CREB5: variants seen among roughly 807,000 people sequenced by gnomAD.
CREB5 encodes cAMP responsive element binding protein 5.
A neutral mutation model predicts 57.1 loss-of-function variants in CREB5; 19 were observed. That is an observed-to-expected ratio of 0.33 (90% CI 0.23 to 0.49). The LOEUF (loss-of-function observed/expected upper bound fraction) is 0.49. CREB5 is among the 20% of genes least tolerant of loss of function. The probability of loss-of-function intolerance (pLI) is 0.99; values close to 1 mark genes in which losing one functional copy is unlikely to be tolerated. For missense variants in CREB5, 579 were observed against 671.6 expected (o/e 0.86, Z 1.52); for synonymous variants, 238 against 238.3 (o/e 1.00, Z 0.01).
intron 1 of CREB5, among the ~76,000 whole-genome samples, chr7:28,325,687 C>T (rs1785584594): frequency 6.6e-6 from 1 of 152,056 alleles, no homozygotes; most frequent in Admixed American, 6.6e-5. Context: ...ACTAAGGGAC[C>T]CTTACTCTAG....
chr7:28,367,851 A>G (rs914529027), intron 1 of CREB5, among the ~76,000 whole-genome samples: 1 of 152,058 alleles, frequency 6.6e-6, no homozygotes, highest in South Asian at 2.1e-4. Flanking sequence ...AAAAAACAAC[A>G]AAGAAACACA....
rs1168197861 is a variant in CREB5 at position 28,825,214 on chromosome 7, T to C, written c.*5935T>C. The C allele has an allele frequency of 1.3e-5, 2 of 152,086 alleles. No individual in the cohort carries two copies. Among genetic ancestry groups the C allele is most frequent in the Non-Finnish European group, 2.9e-5 (2 of 67,914 alleles). The allele number at this position is 152,086 out of a possible 1,614,324, so 9.4% of individuals were successfully genotyped here. A position where few individuals can be genotyped will look rare whatever the true frequency, so the allele number is the denominator to read the frequency against. On this transcript the variant is annotated 3_prime_UTR_variant, in exon 11 of 11. Transcript: ENST00000357727. ...TATCAGTTGTGTTGAGTGGAGGGAG[T>C]TTAAGAGAAAGGACCCTTCCCAACC...
At chr7:28,654,894 C>T (rs987747703) in intron 5 of CREB5, among the ~76,000 whole-genome samples, 5 of 152,018 alleles carry the variant, frequency 3.3e-5, no homozygotes, top group Middle Eastern at 3.2e-3. Flanking sequence ...CAGACCTAGT[C>T]GGGGTTTACA....
At chr7:28,799,728 TCTTA>T (rs1256347939) in intron 7 of CREB5, among the ~76,000 whole-genome samples, 3 of 152,194 alleles carry the variant, frequency 2.0e-5, no homozygotes, top group Non-Finnish European at 4.4e-5. Context: ...CAGGCATTCC[TCTTA>T]CTTACTTCTG....
rs536993403 is a variant in CREB5 at position 28,500,864 on chromosome 7, T to A, written c.169+5865T>A. On this transcript the variant is annotated intron_variant, in intron 3 of 10. Coordinates refer to ENST00000357727, the MANE Select transcript of CREB5 (RefSeq NM_182898.4). The stretch of plus-strand genomic sequence containing the variant: ...CACGTGACCCATACTTACCTCTTCT[T>A]CTTGGCAATTCCATTGATAGTAAAG... 2.0e-5 allele frequency among the ~76,000 whole-genome samples: 3 copies of A among 152,184 alleles called. No homozygotes were observed. In the South Asian group the frequency reaches 6.2e-4, roughly 32 times the overall value.
chr7:28,774,165 T>C (rs4719953), intron 7 of CREB5, among the ~76,000 whole-genome samples: 1 of 152,094 alleles, frequency 6.6e-6, no homozygotes, highest in Non-Finnish European at 1.5e-5. Context: ...AGTTGCTGTT[T>C]AGACTTGGAG....
chr7:28,747,363 G>A (rs538488841), intron 7 of CREB5, among the ~76,000 whole-genome samples: 4 of 152,284 alleles, frequency 2.6e-5, no homozygotes, highest in South Asian at 2.1e-4. Context: ...CCTCATTAAG[G>A]GTGAAGCCAA....
intron 1 of CREB5, among the ~76,000 whole-genome samples, chr7:28,481,981 A>C (rs1791352391): frequency 6.6e-6 from 1 of 152,220 alleles, no homozygotes; most frequent in Non-Finnish European, 1.5e-5. Context: ...GTGGAAAGTT[A>C]CAATATTCAG....
chr7:28,363,182 A>G, intron 1 of CREB5, among the ~76,000 whole-genome samples: 1 of 152,320 alleles, frequency 6.6e-6, no homozygotes, highest in East Asian at 1.9e-4. Context: ...TGGTCATCTC[A>G]TTATTAGTGA....
chr7:28,761,359 G>A (rs1805637545), intron 7 of CREB5, among the ~76,000 whole-genome samples: 1 of 152,182 alleles, frequency 6.6e-6, no homozygotes, highest in Admixed American at 6.5e-5. Flanking sequence ...AATTGCGGGT[G>A]TCGGAGTGAA....
At chr7:28,486,471 T>TG (rs1264987114) in intron 1 of CREB5, among the ~76,000 whole-genome samples, 1 of 151,558 alleles carries the variant, frequency 6.6e-6, no homozygotes, top group African/African-American at 2.4e-5. Context: ...CACCTACAAG[T>TG]GGCATTTTAA....
At chr7:28,417,776 C>T (rs1341033575) in intron 1 of CREB5, among the ~76,000 whole-genome samples, 1 of 152,134 alleles carries the variant, frequency 6.6e-6, no homozygotes, top group Non-Finnish European at 1.5e-5. Flanking sequence ...GGGCAGCAAG[C>T]AGTTGTTACA....
chr7:28,641,080 G>A (rs776306128), intron 5 of CREB5, among the ~76,000 whole-genome samples: 15 of 152,070 alleles, frequency 9.9e-5, no homozygotes, highest in Non-Finnish European at 1.3e-4. Context: ...ATCAAGTCAG[G>A]GGCCTACATT....
chr7:28,732,314 T>A (rs1403583563), intron 7 of CREB5, among the ~76,000 whole-genome samples: 9 of 152,196 alleles, frequency 5.9e-5, no homozygotes, highest in Admixed American at 5.9e-4. Context: ...GCTGCCTCTG[T>A]CACCCAGCCC....
Position 28,634,013 on chromosome 7 carries a change from T to G in CREB5, c.464+63476T>G, listed in dbSNP as rs552353550. On this transcript the variant is annotated intron_variant, in intron 5 of 10. Transcript: ENST00000357727. ...TTAGCCTGTCTTCTTGGCTATCTGA[T>G]CAGTTAAGATTCCCAGAATAAAAAG... Among the ~76,000 whole-genome samples the G allele has an allele frequency of 4.6e-5, 7 of 152,310 alleles. No homozygotes were observed. The South Asian group carries it at 1.5e-3, about 32-fold the overall frequency.
chr7:28,524,579 T>C (rs1440024346), intron 4 of CREB5, among the ~76,000 whole-genome samples: 1 of 152,212 alleles, frequency 6.6e-6, no homozygotes, highest in Non-Finnish European at 1.5e-5. Flanking sequence ...AACATAGTTA[T>C]TGGTTAATAG....
chr7:28,673,904 A>C (rs1320288110), intron 5 of CREB5, among the ~76,000 whole-genome samples: 1 of 151,650 alleles, frequency 6.6e-6, no homozygotes, highest in Non-Finnish European at 1.5e-5. Context: ...AAACTCCTGG[A>C]CTCAAGTAAT....
At chr7:28,623,124 C>T (rs1283688112) in intron 5 of CREB5, among the ~76,000 whole-genome samples, 2 of 152,126 alleles carry the variant, frequency 1.3e-5, no homozygotes, top group Non-Finnish European at 1.5e-5. Flanking sequence ...CTCAGGTGAT[C>T]CAGCTGCCTC....
chr7:28,564,997 T>C (rs1020012013), intron 4 of CREB5, among the ~76,000 whole-genome samples: 3 of 152,194 alleles, frequency 2.0e-5, no homozygotes, highest in African/African-American at 7.2e-5. Context: ...CCTCCTTTAA[T>C]GATGAGACTA....
Sources: gnomAD v4.1 joint callset for allele counts (sites outside exome capture counted in the v4.1 genomes callset) on GRCh38, gnomAD v4.1.1 for gene constraint, MANE v1.5 for transcripts, NCBI Gene and HGNC (gene_info 2026-07-23, HGNC 2026-07-21) for gene names.